Variants in ELMO1 observed in about 807,000 individuals in gnomAD.
ELMO1 encodes engulfment and cell motility 1, also known as engulfment and cell motility protein 1.
A neutral mutation model predicts 98.9 loss-of-function variants in ELMO1; 26 were observed. The observed-to-expected ratio is 0.26, with a 90% confidence interval of 0.19 to 0.36. ELMO1 has a LOEUF of 0.36. ELMO1 is among the 10% of genes least tolerant of loss of function. The pLI is 1.00. For missense variants in ELMO1, 627 were observed against 935.2 expected (o/e 0.67, Z 4.30); for synonymous variants, 346 against 346.0 (o/e 1.00, Z 0.00).
At chr7:37,432,722 C>A (rs1212621930) in intron 1 of ELMO1, among the ~76,000 whole-genome samples, 2 of 152,240 alleles carry the variant, frequency 1.3e-5, no homozygotes, top group African/African-American at 2.4e-5. Flanking sequence ...TCACAGATGC[C>A]TCGTCACCCA....
At position 37,118,035 on chromosome 7, in the gene ELMO1, A is replaced by C. The variant is rs184679288; in HGVS notation, c.1191+15095T>G. ...TCTGTCAGCACAATGGGAACAAAAA[A>C]CTGTTGTGCACTAAGCATTATTCCA... is the stretch of plus-strand genomic sequence containing the variant. On this transcript the variant is annotated intron_variant, in intron 14 of 21. Transcript: ENST00000310758. 3.9e-3 allele frequency among the ~76,000 whole-genome samples: 593 copies of C among 152,312 alleles called. 1 individual carries two copies. Among genetic ancestry groups the C allele is most frequent in the Middle Eastern group, 6.8e-3 (2 of 294 alleles).
At chr7:37,077,322 T>C (rs1356619626) in intron 15 of ELMO1, among the ~76,000 whole-genome samples, 1 of 152,184 alleles carries the variant, frequency 6.6e-6, no homozygotes, top group Non-Finnish European at 1.5e-5. Context: ...TGGGTCTGAA[T>C]TGTACAAGCA....
intron 13 of ELMO1, among the ~76,000 whole-genome samples, chr7:37,180,207 C>T (rs1188623152): frequency 6.6e-6 from 1 of 152,136 alleles, no homozygotes; most frequent in African/African-American, 2.4e-5. Context: ...CCTCATATCA[C>T]TATAGCCCAC....
At chr7:37,324,578 T>C (rs1799697352) in intron 2 of ELMO1, among the ~76,000 whole-genome samples, 1 of 152,184 alleles carries the variant, frequency 6.6e-6, no homozygotes, top group Non-Finnish European at 1.5e-5. Context: ...AGCTCTTGGA[T>C]GACTCTATTA....
In ELMO1 at chr7:36,902,564, C is replaced by G. The variant is rs79346227; in HGVS notation, c.1438-7547G>C. Among the ~76,000 whole-genome samples, 457 of 152,338 alleles carry G rather than the reference C, an allele frequency of 3.0e-3. 1 individual carries two copies. Among genetic ancestry groups the G allele is most frequent in the African/African-American group, 0.01 (432 of 41,566 alleles). ...TAAGTGCCATGAGAAAAATAATGGTCCACAGCAGACTGAAACTTTCTCTAT... is the reference window on the plus strand; with the variant it reads ...TAAGTGCCATGAGAAAAATAATGGTGCACAGCAGACTGAAACTTTCTCTAT... On this transcript the variant is annotated intron_variant, in intron 16 of 21. Coordinates refer to ENST00000310758, the MANE Select transcript of ELMO1 (RefSeq NM_014800.11).
intron 16 of ELMO1, among the ~76,000 whole-genome samples, chr7:36,939,820 C>A (rs1333861131): frequency 6.6e-6 from 1 of 152,206 alleles, no homozygotes; most frequent in Non-Finnish European, 1.5e-5. Flanking sequence ...AAGTGGCTGG[C>A]CGGAGGCATG....
At chr7:37,150,842 T>C (rs1405253257) in intron 13 of ELMO1, among the ~76,000 whole-genome samples, 1 of 152,214 alleles carries the variant, frequency 6.6e-6, no homozygotes, top group Non-Finnish European at 1.5e-5. Flanking sequence ...GCATCGATTT[T>C]CACTTATATT....
At chr7:36,985,474 G>C (rs1200822490) in intron 16 of ELMO1, among the ~76,000 whole-genome samples, 1 of 152,088 alleles carries the variant, frequency 6.6e-6, no homozygotes, top group African/African-American at 2.4e-5. Flanking sequence ...CTGAAGAAGT[G>C]TTTGACAGAC....
In ELMO1 at chr7:37,237,162, C is replaced by A. The variant is rs959237133; in HGVS notation, c.450-3968G>T. Among the ~76,000 whole-genome samples the A allele has an allele frequency of 2.6e-5, 4 of 152,174 alleles. No individual in the cohort carries two copies. In the East Asian group the frequency reaches 5.8e-4, roughly 22 times the overall value. ...ATGTTTCTCATCAACTTAGTAGACA[C>A]CATCTTCATTCCAACAAAATTCAGC... On this transcript the variant is annotated intron_variant, in intron 7 of 21. Transcript: ENST00000310758.
intron 5 of ELMO1, among the ~76,000 whole-genome samples, chr7:37,264,670 T>C (rs1231060592): frequency 6.6e-6 from 1 of 152,182 alleles, no homozygotes; most frequent in African/African-American, 2.4e-5. Flanking sequence ...AAGTTTTACT[T>C]TGGGCCATTG....
chr7:37,445,009 G>A (rs1295981119), intron 1 of ELMO1, among the ~76,000 whole-genome samples: 10 of 152,202 alleles, frequency 6.6e-5, no homozygotes, highest in Admixed American at 3.3e-4. Flanking sequence ...GTTTTCCCCA[G>A]AATTATTGAA....
intron 15 of ELMO1, among the ~76,000 whole-genome samples, chr7:37,086,619 T>G (rs1379517031): frequency 6.6e-6 from 1 of 151,518 alleles, no homozygotes; most frequent in Admixed American, 6.6e-5. Context: ...GGTGCATTCC[T>G]GTAATCCCAG....
At chr7:37,422,917 C>T (rs1047028280) in intron 1 of ELMO1, among the ~76,000 whole-genome samples, 1 of 152,222 alleles carries the variant, frequency 6.6e-6, no homozygotes, top group African/African-American at 2.4e-5. Flanking sequence ...AGCCCATGAG[C>T]CAAGCCTGTT....
chr7:37,015,847 A>G lies in ELMO1; in HGVS notation c.1301-2412T>C, dbSNP rs368383531. Among the ~76,000 whole-genome samples, 11 of 152,320 alleles carry G rather than the reference A, an allele frequency of 7.2e-5. No individual in the cohort carries two copies. In the South Asian group the frequency reaches 2.3e-3, roughly 32 times the overall value. On this transcript the variant is annotated intron_variant, in intron 15 of 21. Transcript: ENST00000310758. ...TAGTCCAGCCTGTTCACATTTCAAC[A>G]GTTAGAAGCAAAAACATATAAGTGA...
chr7:37,259,489 C>T lies in ELMO1; in HGVS notation c.244-139G>A, dbSNP rs73344116. On this transcript the variant is annotated intron_variant, in intron 5 of 21. Transcript: ENST00000310758. Reference sequence around the variant, plus strand: ...GCATATTACAGAGTGGGCATCTCAACGACAGGCTTCAAGGCTTCCAACCCA... The same window carrying T: ...GCATATTACAGAGTGGGCATCTCAATGACAGGCTTCAAGGCTTCCAACCCA... 1.9e-4 allele frequency: 181 copies of T among 934,046 alleles called. No homozygotes were observed. The African/African-American group carries it at 2.4e-3, about 12-fold the overall frequency. 57.9% of individuals were successfully genotyped at this position (934,046 alleles called of 1,614,324 possible).
rs554338756 is a variant in ELMO1 at position 37,279,995 on chromosome 7, A to G, written c.193-8113T>C. 1.3e-3 allele frequency among the ~76,000 whole-genome samples: 191 copies of G among 152,364 alleles called. 1 individual carries two copies. The highest frequency in any genetic ancestry group is 7.0e-3 in the South Asian group (34 of 4,830). ...ACCAAAACAGCATGGTAGTGGTATA[A>G]AAACAGGCACATAGACCAATGGAAC... On this transcript the variant is annotated intron_variant, in intron 4 of 21. Coordinates refer to ENST00000310758, the MANE Select transcript of ELMO1 (RefSeq NM_014800.11).
intron 16 of ELMO1, among the ~76,000 whole-genome samples, chr7:36,917,226 T>C (rs1209835357): frequency 2.0e-5 from 3 of 152,176 alleles, no homozygotes; most frequent in Non-Finnish European, 4.4e-5. Context: ...GAATAAGAAA[T>C]AACTACCTTA....
rs151039699 is a variant in ELMO1 at position 37,343,554 on chromosome 7, T to C, written c.-73-791A>G. Among the ~76,000 whole-genome samples, 3 of 144,984 alleles carry C rather than the reference T, an allele frequency of 2.1e-5. No individual in the cohort carries two copies. The Admixed American group carries it at 2.2e-4, about 10-fold the overall frequency. ...TGTTGCCCAGTGGCGCAATTTTGGC[T>C]CACTGCAACCTCCACCTCTTGAGTC... On this transcript the variant is annotated intron_variant, in intron 1 of 21. Coordinates refer to ENST00000310758, the MANE Select transcript of ELMO1 (RefSeq NM_014800.11).
intron 1 of ELMO1, among the ~76,000 whole-genome samples, chr7:37,424,043 T>C (rs1804602198): frequency 6.6e-6 from 1 of 152,100 alleles, no homozygotes; most frequent in African/African-American, 2.4e-5. Context: ...CCCTGTGGAA[T>C]GCAGATCAAG....
Sources: allele counts gnomAD v4.1 joint callset (sites outside exome capture counted in the v4.1 genomes callset), GRCh38; gene constraint gnomAD v4.1.1; transcripts MANE v1.5; gene names NCBI Gene and HGNC (gene_info 2026-07-23, HGNC 2026-07-21).